The following KIAA1217 variants were observed in gnomAD, a reference collection of about 807,000 sequenced individuals.
KIAA1217 encodes the protein sickle tail protein homolog.
In KIAA1217, 88 loss-of-function variants were observed where a neutral mutation model predicts 163.9. That is an observed-to-expected ratio of 0.54 (90% CI 0.45 to 0.64). The LOEUF is 0.64. KIAA1217 is among the 30% of genes least tolerant of loss of function. The pLI is 0.00. For synonymous variants in KIAA1217, 903 were observed against 923.1 expected (o/e 0.98, Z 0.39); for missense variants, 2,372 against 2,475.0 (o/e 0.96, Z 0.88).
chr10:23,731,327 C>T (rs1368560600), intron 1 of KIAA1217, among the ~76,000 whole-genome samples: 1 of 152,156 alleles, frequency 6.6e-6, no homozygotes. Context: ...TATGCCCATT[C>T]CTGGGTCCCC....
chr10:23,852,569 G>A (rs979355993), intron 1 of KIAA1217, among the ~76,000 whole-genome samples: 1 of 152,184 alleles, frequency 6.6e-6, no homozygotes, highest in Non-Finnish European at 1.5e-5. Flanking sequence ...TTGGTAGCTT[G>A]ATGGGGATGC....
At chr10:24,282,907 C>T (rs2078121175) in intron 2 of KIAA1217, among the ~76,000 whole-genome samples, 1 of 139,818 alleles carries the variant, frequency 7.2e-6, no homozygotes, top group Admixed American at 7.7e-5. Flanking sequence ...AATCTCGGCT[C>T]ACTGCAACCT....
chr10:24,054,349 A>C lies in KIAA1217; in HGVS notation c.-171+46975A>C, dbSNP rs999924113. Among the ~76,000 whole-genome samples, 3 of 152,308 alleles carry C rather than the reference A, an allele frequency of 2.0e-5. No individual in the cohort carries two copies. The East Asian group carries it at 5.8e-4, about 29-fold the overall frequency. On this transcript the variant is annotated intron_variant, in intron 2 of 18. Coordinates refer to the KIAA1217 transcript ENST00000376462. ...AAATAATGTGAATCACCAGTATATG[A>C]GTGCTATTTAAAGCCATGGGATTGG...
At chr10:24,269,258 C>G (rs1375379766) in intron 2 of KIAA1217, among the ~76,000 whole-genome samples, 1 of 146,624 alleles carries the variant, frequency 6.8e-6, no homozygotes, top group Admixed American at 6.8e-5. Flanking sequence ...CGCAGTGGTT[C>G]ACACTTGTAA....
intron 2 of KIAA1217, among the ~76,000 whole-genome samples, chr10:24,222,447 G>T (rs2069788259): frequency 6.6e-6 from 1 of 152,206 alleles, no homozygotes; most frequent in African/African-American, 2.4e-5. Context: ...GCACAAGAAA[G>T]AATTCAGGGT....
intron 2 of KIAA1217, among the ~76,000 whole-genome samples, chr10:24,118,912 A>G (rs898305765): frequency 5.9e-5 from 9 of 152,168 alleles, no homozygotes; most frequent in African/African-American, 1.9e-4. Flanking sequence ...CTTTTAAAAT[A>G]TCACTCAAAG....
intron 1 of KIAA1217, among the ~76,000 whole-genome samples, chr10:23,715,862 C>T (rs975281975): frequency 9.9e-5 from 15 of 152,200 alleles, no homozygotes; most frequent in African/African-American, 3.6e-4. Context: ...AATGTCATTA[C>T]TCAGTTCACT....
At chr10:23,837,751 G>A (rs1055954120) in intron 1 of KIAA1217, among the ~76,000 whole-genome samples, 3 of 151,974 alleles carry the variant, frequency 2.0e-5, no homozygotes, top group South Asian at 2.1e-4. Context: ...GTGTTGCCTC[G>A]ACTGATCTTG....
intron 1 of KIAA1217, among the ~76,000 whole-genome samples, chr10:23,905,829 G>A (rs916506752): frequency 1.3e-5 from 2 of 152,162 alleles, no homozygotes; most frequent in Non-Finnish European, 2.9e-5. Flanking sequence ...GACTTTGGTA[G>A]GGAAGTGTGT....
chr10:24,501,777 C>G (rs1277449043), intron 9 of KIAA1217, among the ~76,000 whole-genome samples: 5 of 91,564 alleles, frequency 5.5e-5, no homozygotes, highest in Admixed American at 1.6e-4. Context: ...GAGACGTAGT[C>G]TCGCTTTGTC....
At position 23,854,570 on chromosome 10, in the gene KIAA1217, G is replaced by A. The variant is rs1447713159; in HGVS notation, c.-320-152655G>A. ...CTGAGTTCAATTCCTGGGTATCCTT[G>A]TTAACTTTCTGTCTCGTTGATCTGT... On this transcript the variant is annotated intron_variant, in intron 1 of 18. Transcript: ENST00000376462. 3.9e-5 allele frequency among the ~76,000 whole-genome samples: 6 copies of A among 152,194 alleles called. No homozygotes were observed. In the East Asian group the frequency reaches 9.7e-4, roughly 25 times the overall value.
At chr10:23,848,308 G>C (rs1417553380) in intron 1 of KIAA1217, among the ~76,000 whole-genome samples, 1 of 151,856 alleles carries the variant, frequency 6.6e-6, no homozygotes, top group East Asian at 1.9e-4. Flanking sequence ...TATTGACAGT[G>C]GGGGGTGTTA....
intron 1 of KIAA1217, among the ~76,000 whole-genome samples, chr10:23,772,760 G>A (rs1343292160): frequency 6.6e-6 from 1 of 152,154 alleles, no homozygotes; most frequent in Non-Finnish European, 1.5e-5. Context: ...TAATCCTATT[G>A]GATAATTAAG....
chr10:24,000,257 C>A (rs563247072), intron 1 of KIAA1217, among the ~76,000 whole-genome samples: 35 of 152,296 alleles, frequency 2.3e-4, no homozygotes, highest in East Asian at 9.6e-4. Context: ...ATAATCCCCA[C>A]GTGTCGTAGG....
chr10:24,177,745 G>A (rs2065978727), intron 2 of KIAA1217, among the ~76,000 whole-genome samples: 1 of 152,008 alleles, frequency 6.6e-6, no homozygotes, highest in Non-Finnish European at 1.5e-5. Context: ...TGGTGGGGGA[G>A]GCTAGCTTCA....
chr10:24,368,793 G>T (rs572843040), intron 2 of KIAA1217: 1 of 962,448 alleles, frequency 1.0e-6, no homozygotes, highest in African/African-American at 1.8e-5. Context: ...AAGAACAGTA[G>T]GAAGCTGAGC....
At position 24,433,006 on chromosome 10, in the gene KIAA1217, C is replaced by G. The variant is rs756871587; in HGVS notation, c.565C>G (p.Leu189Val). The G allele has an allele frequency of 2.5e-5, 41 of 1,613,910 alleles. No homozygotes were observed. The highest frequency in any genetic ancestry group is 3.5e-5 in the Non-Finnish European group (41 of 1,179,954). Residue 189 changes from leucine to valine, a missense_variant, in exon 4 of 21, where the codon CTC (leucine) becomes GTC (valine). Coordinates refer to ENST00000376454, the MANE Select transcript of KIAA1217 (RefSeq NM_019590.5). ...TCCTTTGTGTGCAGGGGTTCTCTAT[C>G]TCCAGTATGGAGATGAAACCAAGCA... ...TKERSLGVLYLQYGDETKQLR... is the reference protein window; with the variant it reads ...TKERSLGVLYVQYGDETKQLR...
intron 5 of KIAA1217, among the ~76,000 whole-genome samples, chr10:24,453,536 T>C (rs2061542540): frequency 6.6e-6 from 1 of 152,238 alleles, no homozygotes; most frequent in African/African-American, 2.4e-5. Context: ...AGCAGCTGTT[T>C]CAAATTATGA....
chr10:24,196,965 A>G (rs943184444), intron 2 of KIAA1217, among the ~76,000 whole-genome samples: 10 of 152,274 alleles, frequency 6.6e-5, no homozygotes, highest in African/African-American at 2.2e-4. Context: ...TGGAGTGCCT[A>G]CTATATGCCA....
Sources: gnomAD v4.1 joint callset for allele counts (sites outside exome capture counted in the v4.1 genomes callset) on GRCh38, gnomAD v4.1.1 for gene constraint, MANE v1.5 for transcripts, NCBI Gene and HGNC (gene_info 2026-07-23, HGNC 2026-07-21) for gene names.